The following LMF1 variants were observed in gnomAD, a reference collection of about 807,000 sequenced individuals.
LMF1 encodes transmembrane protein 112.
A neutral mutation model predicts 60.6 loss-of-function variants in LMF1; 68 were observed. The observed-to-expected ratio is 1.12, with a 90% confidence interval of 0.92 to 1.37. LMF1 has a LOEUF of 1.37. LMF1 is among the 40% of genes most tolerant of loss of function. The probability of loss-of-function intolerance (pLI) is 0.00; values close to 1 mark genes in which losing one functional copy is unlikely to be tolerated. For missense variants in LMF1, 948 were observed against 767.2 expected, an observed-to-expected ratio of 1.24 and a Z score of -2.78; for synonymous variants, 418 against 324.7, an observed-to-expected ratio of 1.29 and a Z score of -3.09.
rs758016731 is a variant in LMF1 at position 879,676 on chromosome 16, C to G, written c.791G>C (p.Arg264Pro). 1 of 1,609,592 alleles carries G rather than the reference C, an allele frequency of 6.2e-7. No individual in the cohort carries two copies. ...YLHHSPWWFH[R>P]FETLSNHFIE... ...GAAGTGGTTGCTGAGCGTCTCGAAG[C>G]GATGGAACCACCAGGGTGAGTGGTG... is the stretch of plus-strand genomic sequence containing the variant. The change falls in exon 6 of 11, where the codon CGC becomes CCC. Residue 264 changes from arginine to proline, a missense_variant. Arg to Pro is a moderately radical substitution (Grantham distance 103). Transcript: ENST00000262301.
chr16:977,141 T>A, intron 1 of LMF1: 1 of 453,280 alleles, frequency 2.2e-6, no homozygotes, highest in Admixed American at 2.4e-5. Context: ...CACTGCCCTG[T>A]GAGCGCCAGG....
chr16:874,040 G>A lies in LMF1; in HGVS notation c.898-2699C>T, dbSNP rs1404779832. Among the ~76,000 whole-genome samples the A allele has an allele frequency of 6.6e-6, 1 of 152,220 alleles. No individual in the cohort carries two copies. The highest frequency in any genetic ancestry group is 1.5e-5 in the Non-Finnish European group (1 of 68,038). On this transcript the variant is annotated intron_variant, in intron 6 of 10. Coordinates refer to ENST00000262301, the MANE Select transcript of LMF1 (RefSeq NM_022773.4). This position sits in a 1 kb window ranked among gnomAD's most constrained non-coding sequence, Gnocchi z 4.1. ...TCCCAGTGGCTGGTGGAGGCCCGGC[G>A]GCGGGTGTGAGGGTCTCCTTTGCCG...
At chr16:943,536 G>C (rs1237290674) in intron 2 of LMF1, among the ~76,000 whole-genome samples, 2 of 151,856 alleles carry the variant, frequency 1.3e-5, no homozygotes, top group Non-Finnish European at 2.9e-5. Flanking sequence ...GACCAGCCTG[G>C]CCAACAATGG....
At chr16:864,137 A>T (rs2069545154) in intron 10 of LMF1, among the ~76,000 whole-genome samples, 1 of 152,202 alleles carries the variant, frequency 6.6e-6, no homozygotes, top group African/African-American at 2.4e-5. Context: ...TAGTGCACAC[A>T]CTTAGGATTG....
intron 10 of LMF1, among the ~76,000 whole-genome samples, chr16:868,369 C>A (rs567544323): frequency 6.6e-6 from 1 of 152,176 alleles, no homozygotes; most frequent in Non-Finnish European, 1.5e-5. Context: ...AGCTCCCCTG[C>A]GTGGAGTCTG....
intron 6 of LMF1, chr16:873,401 C>G (rs141391855): frequency 6.6e-6 from 1 of 152,292 alleles, no homozygotes; most frequent in South Asian, 2.1e-4. Context: ...TCCCCAAGGC[C>G]GGCACAGGAA....
At chr16:894,617 A>G (rs1024233844) in intron 4 of LMF1, among the ~76,000 whole-genome samples, 10 of 152,206 alleles carry the variant, frequency 6.6e-5, no homozygotes, top group African/African-American at 2.4e-4. Context: ...TGGCACATAA[A>G]GGACAGGAAT....
intron 3 of LMF1, among the ~76,000 whole-genome samples, chr16:926,723 C>T (rs2071620728): frequency 2.6e-5 from 4 of 152,224 alleles, no homozygotes; most frequent in South Asian, 2.1e-4. Flanking sequence ...TAAGGGGTCC[C>T]GGCATCCACC....
chr16:854,871 G>A lies in LMF1; in HGVS notation c.1530-165C>T, dbSNP rs9925991. On this transcript the variant is annotated intron_variant, in intron 10 of 10. Coordinates refer to ENST00000262301, the MANE Select transcript of LMF1 (RefSeq NM_022773.4). ...CACAGGTAGACCCCCAGCAGACCCC[G>A]GGCAGGGCAACTGTTCCAGTCGGCA... 0.025 allele frequency: 16,723 copies of A among 682,496 alleles called. 1,139 individuals are homozygous for A. Among genetic ancestry groups the A allele is most frequent in the African/African-American group, 0.19 (10,974 of 56,664 alleles). The allele number at this position is 682,496 out of a possible 1,614,324, so 42.3% of individuals were successfully genotyped here.
chr16:855,711 G>A (rs1166192523), intron 10 of LMF1: 2 of 455,938 alleles, frequency 4.4e-6, no homozygotes, highest in South Asian at 1.5e-5. Flanking sequence ...TGATGGTGCA[G>A]CCATAACAGG....
chr16:929,424 G>A (rs36023568), intron 3 of LMF1, among the ~76,000 whole-genome samples: 5,287 of 152,288 alleles, frequency 0.035, 146 homozygotes, highest in African/African-American at 0.061. Context: ...CTTGGGGGAC[G>A]GTGCATTGTC....
At chr16:978,901 A>C in intron 1 of LMF1, 2 of 441,736 alleles carry the variant, frequency 4.5e-6, no homozygotes, top group Non-Finnish European at 9.2e-6. Context: ...TTCCCCAGGG[A>C]ACACGCTGGC....
chr16:870,427 C>T (rs189879855), intron 8 of LMF1, among the ~76,000 whole-genome samples: 3 of 152,332 alleles, frequency 2.0e-5, no homozygotes, highest in East Asian at 1.9e-4. Flanking sequence ...GGCATTCCCA[C>T]GCAGGGGGTT....
In LMF1 at chr16:890,205, G is replaced by A. The variant is rs144546011; in HGVS notation, c.729+2802C>T. On this transcript the variant is annotated intron_variant, in intron 5 of 10. Coordinates refer to ENST00000262301, the MANE Select transcript of LMF1 (RefSeq NM_022773.4). Reference sequence around the variant, plus strand: ...AGTGAACCGCAAAGAGCCGTGTCACGGCGGTCCACCTGCTGCAGGCACGGC... The same window carrying A: ...AGTGAACCGCAAAGAGCCGTGTCACAGCGGTCCACCTGCTGCAGGCACGGC... Among the ~76,000 whole-genome samples the A allele has an allele frequency of 5.7e-3, 872 of 152,254 alleles. 11 individuals are homozygous for A. The highest frequency in any genetic ancestry group is 0.019 in the African/African-American group (794 of 41,552).
At chr16:901,035 A>C (rs1159057804) in intron 4 of LMF1, 2 of 147,548 alleles carry the variant, frequency 1.4e-5, no homozygotes, top group African/African-American at 4.9e-5. Context: ...CAGGACAGCC[A>C]TGCAGACGTC....
At chr16:945,432 G>A (rs1281021736) in intron 2 of LMF1, among the ~76,000 whole-genome samples, 1 of 151,816 alleles carries the variant, frequency 6.6e-6, no homozygotes, top group African/African-American at 2.4e-5. Flanking sequence ...AAGCTGAGCA[G>A]GTAGGATTGC....
At chr16:928,700 C>A (rs1276843158) in intron 3 of LMF1, among the ~76,000 whole-genome samples, 1 of 151,514 alleles carries the variant, frequency 6.6e-6, no homozygotes, top group Non-Finnish European at 1.5e-5. Flanking sequence ...CCACGAGCCC[C>A]TCCCCACATC....
chr16:970,860 G>T lies in LMF1; in HGVS notation c.121C>A (p.Pro41Thr). The T allele has an allele frequency of 6.4e-7, 1 of 1,561,880 alleles. No homozygotes were observed. The highest frequency in any genetic ancestry group is 8.7e-7 in the Non-Finnish European group (1 of 1,155,350). Reference sequence around the variant, plus strand: ...AAGGTGCCCGTGTGGAGATGGGCCGGAGAGCCTGCGGGGCCACGCCCCGGC... The same window carrying T: ...AAGGTGCCCGTGTGGAGATGGGCCGTAGAGCCTGCGGGGCCACGCCCCGGC... The part of the protein sequence containing the change: ...PAPGRGPAGS[P>T]AHLHTGTFWL... The change falls in exon 1 of 11, where the codon CCG becomes ACG. Residue 41 changes from proline to threonine, a missense_variant. Pro to Thr is a conservative substitution (Grantham distance 38). Coordinates refer to ENST00000262301, the MANE Select transcript of LMF1 (RefSeq NM_022773.4).
intron 10 of LMF1, among the ~76,000 whole-genome samples, chr16:862,570 A>C (rs567281171): frequency 2.6e-5 from 4 of 152,152 alleles, no homozygotes; most frequent in South Asian, 4.2e-4. Flanking sequence ...TCATAAAATA[A>C]ATTGAGGCTG....
Sources: allele counts gnomAD v4.1 joint callset (sites outside exome capture counted in the v4.1 genomes callset), GRCh38; gene constraint gnomAD v4.1.1; non-coding constraint Gnocchi (gnomAD v3.1); transcripts MANE v1.5; gene names NCBI Gene and HGNC (gene_info 2026-07-23, HGNC 2026-07-21).